PALD1: variants seen among roughly 807,000 people sequenced by gnomAD.
The protein encoded by PALD1 is paladin.
Under a neutral mutation model 96.0 loss-of-function variants are expected in PALD1, and 57 were observed. The observed-to-expected ratio is 0.59, with a 90% confidence interval of 0.48 to 0.74. The LOEUF (loss-of-function observed/expected upper bound fraction) is 0.74. Ranked by LOEUF, PALD1 falls within the 30% of genes least tolerant of loss-of-function variation. The probability of loss-of-function intolerance (pLI) is 0.00; values close to 1 mark genes in which losing one functional copy is unlikely to be tolerated. For synonymous variants in PALD1, 464 were observed against 473.6 expected (o/e 0.98, Z 0.26); for missense variants, 1,063 against 1,143.7 (o/e 0.93, Z 1.02).
At chr10:70,488,492 C>T (rs1429110223) in intron 1 of PALD1, among the ~76,000 whole-genome samples, 1 of 152,232 alleles carries the variant, frequency 6.6e-6, no homozygotes, top group Admixed American at 6.5e-5. Flanking sequence ...CCTTTCCCCT[C>T]CTTCCCCTCT....
At chr10:70,560,908 T>G (rs1847724166) in intron 18 of PALD1, among the ~76,000 whole-genome samples, 1 of 144,952 alleles carries the variant, frequency 6.9e-6, no homozygotes, top group Admixed American at 7.2e-5. Context: ...AGGAGGTGGC[T>G]GACCCGTCCT....
At chr10:70,473,140 C>A in the PALD1 span, among the ~76,000 whole-genome samples, 1 of 152,168 alleles carries the variant, frequency 6.6e-6, no homozygotes, top group African/African-American at 2.4e-5. Flanking sequence ...TGAATGCACC[C>A]ACGTCTCCCC....
intron 7 of PALD1, 102 bp downstream of exon 7, chr10:70,533,172 T>C (rs2132374975): frequency 1.1e-6 from 1 of 893,456 alleles, no homozygotes; most frequent in South Asian, 1.5e-5. Context: ...GAGGAAGGCT[T>C]CATTCTGTGT....
intron 1 of PALD1, among the ~76,000 whole-genome samples, chr10:70,499,948 G>A (rs188627415): frequency 1.8e-4 from 28 of 152,318 alleles, no homozygotes; most frequent in African/African-American, 5.8e-4. Flanking sequence ...TCTTTGTCAC[G>A]CTCCAGCTGT....
intron 7 of PALD1, among the ~76,000 whole-genome samples, chr10:70,533,367 G>A (rs971613129): frequency 6.6e-6 from 1 of 151,766 alleles, no homozygotes; most frequent in Non-Finnish European, 1.5e-5. Flanking sequence ...GTGTGTGTAT[G>A]TGTCTGTGTG....
intron 1 of PALD1, among the ~76,000 whole-genome samples, chr10:70,520,068 AG>A (rs1846698471): frequency 6.6e-6 from 1 of 152,056 alleles, no homozygotes; most frequent in Non-Finnish European, 1.5e-5. Context: ...CTGTGGTCTC[AG>A]CATCTCTAAG....
At chr10:70,523,854 CTG>C (rs1449465308) in intron 1 of PALD1, among the ~76,000 whole-genome samples, 1 of 152,038 alleles carries the variant, frequency 6.6e-6, no homozygotes, top group Non-Finnish European at 1.5e-5. Flanking sequence ...GTTGTTCTCT[CTG>C]AGAGTCCCTG....
chr10:70,494,123 C>T (rs919689712), intron 1 of PALD1, among the ~76,000 whole-genome samples: 1 of 152,208 alleles, frequency 6.6e-6, no homozygotes, highest in African/African-American at 2.4e-5. Flanking sequence ...TTTGCATAGA[C>T]TAGCCCTGCG....
intron 1 of PALD1, among the ~76,000 whole-genome samples, chr10:70,525,309 G>A (rs1361908580): frequency 1.3e-5 from 2 of 152,192 alleles, no homozygotes; most frequent in East Asian, 3.9e-4. Flanking sequence ...ACTGCACCCG[G>A]CCACCAATTC....
chr10:70,496,782 C>T (rs1364536261), intron 1 of PALD1, among the ~76,000 whole-genome samples: 2 of 152,186 alleles, frequency 1.3e-5, no homozygotes, highest in African/African-American at 4.8e-5. Context: ...GTGTGAACTG[C>T]TGGGTGCTGG....
In PALD1 at chr10:70,540,867, C is replaced by T. The variant is rs76941542; in HGVS notation, c.1909-235C>T. Among the ~76,000 whole-genome samples, 11,006 of 152,262 alleles carry T rather than the reference C, an allele frequency of 0.072. 527 individuals carry two copies. The highest frequency in any genetic ancestry group is 0.17 in the East Asian group (869 of 5,170). ...GCCCCAGGTGCATGCTGTGTTGGCTCACACATCCTGTCCAGGTGCTTGGTG... is the reference window on the plus strand; with the variant it reads ...GCCCCAGGTGCATGCTGTGTTGGCTTACACATCCTGTCCAGGTGCTTGGTG... On this transcript the variant is annotated intron_variant, in intron 15 of 19. Coordinates refer to ENST00000263563, the MANE Select transcript of PALD1 (RefSeq NM_014431.3). The surrounding 1 kb of genome is among the most constrained non-coding windows in gnomAD (Gnocchi z 4.2).
At chr10:70,492,268 A>G (rs1225091283) in intron 1 of PALD1, among the ~76,000 whole-genome samples, 1 of 152,064 alleles carries the variant, frequency 6.6e-6, no homozygotes, top group African/African-American at 2.4e-5. Flanking sequence ...TGGTGGTTCC[A>G]CTTATGCTTT....
intron 1 of PALD1, among the ~76,000 whole-genome samples, chr10:70,517,940 G>A (rs1846651129): frequency 6.6e-6 from 1 of 151,978 alleles, no homozygotes; most frequent in Non-Finnish European, 1.5e-5. Flanking sequence ...TTTCACTCTT[G>A]TTGCCCAGGC....
intron 1 of PALD1, among the ~76,000 whole-genome samples, chr10:70,496,907 C>T (rs113142070): frequency 3.0e-4 from 45 of 152,304 alleles, no homozygotes; most frequent in African/African-American, 9.4e-4. Flanking sequence ...AACCCTCTTC[C>T]TCCCTTCACC....
chr10:70,505,215 G>A (rs994020039), intron 1 of PALD1, among the ~76,000 whole-genome samples: 8 of 152,206 alleles, frequency 5.3e-5, no homozygotes, highest in African/African-American at 1.9e-4. Context: ...TCCCTTGAAA[G>A]CTCCAAGCTC....
chr10:70,497,635 C>T (rs942987798), intron 1 of PALD1, among the ~76,000 whole-genome samples: 34 of 151,468 alleles, frequency 2.2e-4, no homozygotes, highest in African/African-American at 4.6e-4. Context: ...AGCGCGATCT[C>T]GGCCCACTGC....
rs1372373742 is a variant in PALD1 at position 70,512,087 on chromosome 10, C to A, written c.-29-13836C>A. On this transcript the variant is annotated intron_variant, in intron 1 of 19. Coordinates refer to ENST00000263563, the MANE Select transcript of PALD1 (RefSeq NM_014431.3). ...GGACAGAGCCCTCATGGCCTAATCA[C>A]ACCTCTTAAAGGCCTCTTAATACTA... is the stretch of plus-strand genomic sequence containing the variant. Among the ~76,000 whole-genome samples, 3 of 152,018 alleles carry A rather than the reference C, an allele frequency of 2.0e-5. No homozygotes were observed. The East Asian group carries it at 5.8e-4, about 29-fold the overall frequency.
Position 70,500,021 on chromosome 10 carries a change from G to A in PALD1, c.-30+20962G>A, listed in dbSNP as rs1024849056. Among the ~76,000 whole-genome samples the A allele has an allele frequency of 2.6e-5, 4 of 152,190 alleles. No individual in the cohort carries two copies. The South Asian group carries it at 8.3e-4, about 31-fold the overall frequency. ...AGTCCTCATGGCCTCAGAGGTGGGT[G>A]TGGGCATGGACTTCACTGACAGGTG... On this transcript the variant is annotated intron_variant, in intron 1 of 19. Transcript: ENST00000263563.
intron 1 of PALD1, among the ~76,000 whole-genome samples, chr10:70,497,818 G>T (rs563154186): frequency 3.5e-4 from 53 of 152,220 alleles, no homozygotes; most frequent in African/African-American, 1.3e-3. Flanking sequence ...CTCGTGATCT[G>T]CCCGCCTTGG....
Sources: gnomAD v4.1 joint callset for allele counts (sites outside exome capture counted in the v4.1 genomes callset) on GRCh38, gnomAD v4.1.1 for gene constraint, Gnocchi (gnomAD v3.1) non-coding constraint, MANE v1.5 for transcripts, NCBI Gene and HGNC (gene_info 2026-07-23, HGNC 2026-07-21) for gene names.